The following SLC16A12 variants were observed in gnomAD, a reference collection of about 807,000 sequenced individuals.
SLC16A12 encodes the protein solute carrier family 16 member 12, also known as monocarboxylate transporter 12.
A neutral mutation model predicts 42.4 loss-of-function variants in SLC16A12; 17 were observed. The ratio of observed to expected loss-of-function variants is 0.40; its 90% CI spans 0.27 to 0.60. The LOEUF is 0.60. SLC16A12 is among the 20% of genes least tolerant of loss of function. The pLI is 0.42. For synonymous variants in SLC16A12, 224 were observed against 229.4 expected, an observed-to-expected ratio of 0.98 and a Z score of 0.21; for missense variants, 544 against 623.0, an observed-to-expected ratio of 0.87 and a Z score of 1.35.
At chr10:89,488,064 T>C (rs568263165) in intron 2 of SLC16A12, among the ~76,000 whole-genome samples, 14 of 148,486 alleles carry the variant, frequency 9.4e-5, no homozygotes, top group Non-Finnish European at 1.3e-4. Flanking sequence ...ATACATATTA[T>C]TTATCTATAT....
chr10:89,512,153 A>G (rs914376835), intron 2 of SLC16A12, among the ~76,000 whole-genome samples: 19 of 152,080 alleles, frequency 1.2e-4, no homozygotes, highest in African/African-American at 4.6e-4. Context: ...CCTGACGGAG[A>G]GCAGAAAGGG....
intron 2 of SLC16A12, among the ~76,000 whole-genome samples, chr10:89,518,964 C>A (rs915294635): frequency 6.6e-6 from 1 of 152,118 alleles, no homozygotes; most frequent in African/African-American, 2.4e-5. Context: ...ACTAAATATA[C>A]ACTATGATCA....
intron 2 of SLC16A12, among the ~76,000 whole-genome samples, chr10:89,466,298 C>T (rs1842398550): frequency 6.6e-6 from 1 of 152,074 alleles, no homozygotes; most frequent in African/African-American, 2.4e-5. Flanking sequence ...ATTGAGTGTC[C>T]AATATGCACT....
At position 89,443,826 on chromosome 10, in the gene SLC16A12, T is replaced by C; in HGVS notation, c.234A>G (p.Thr78=). Residue 78 remains threonine (T), a synonymous_variant, in exon 4 of 8, where the codon ACA becomes ACG. Transcript: ENST00000371790. ...CISIFFVEFQ[T]YFTQDYAQTA... ...TTTGTGCGTAATCCTGAGTGAAGTA[T>C]GTCTGGAACTCCACAAAAAAAATTG... The C allele has an allele frequency of 1.2e-6, 2 of 1,613,796 alleles. No individual in the cohort carries two copies. Among genetic ancestry groups the C allele is most frequent in the Non-Finnish European group, 1.7e-6 (2 of 1,179,662 alleles).
intron 3 of SLC16A12, among the ~76,000 whole-genome samples, chr10:89,448,582 A>G (rs546640781): frequency 1.8e-4 from 28 of 152,318 alleles, no homozygotes; most frequent in African/African-American, 6.7e-4. Context: ...ACTCTCAATA[A>G]ACTAGGTATT....
At chr10:89,521,536 A>G (rs1160759930) in intron 2 of SLC16A12, among the ~76,000 whole-genome samples, 1 of 152,244 alleles carries the variant, frequency 6.6e-6, no homozygotes, top group East Asian at 1.9e-4. Context: ...CTACAGAAGC[A>G]GAGGACACCA....
At chr10:89,487,013 C>G (rs1384435808) in intron 2 of SLC16A12, among the ~76,000 whole-genome samples, 4 of 152,212 alleles carry the variant, frequency 2.6e-5, no homozygotes, top group Non-Finnish European at 5.9e-5. Flanking sequence ...TGGGACGAAA[C>G]ATACACCCTT....
chr10:89,432,453 G>C lies in SLC16A12; in HGVS notation c.*611C>G, dbSNP rs1357704495. ...TGTCTACCCTTGGGCAGAGGCAAGG[G>C]CTGGCTGGAAGACTAAGAGAAAAAA... On this transcript the variant is annotated 3_prime_UTR_variant, in exon 8 of 8. Transcript: ENST00000371790. The C allele has an allele frequency of 1.3e-5, 2 of 150,834 alleles. No homozygotes were observed. Among genetic ancestry groups the C allele is most frequent in the Non-Finnish European group, 2.9e-5 (2 of 67,938 alleles). 9.3% of individuals were successfully genotyped at this position (150,834 alleles called of 1,614,324 possible).
chr10:89,459,234 G>T (rs1188869264), intron 3 of SLC16A12, among the ~76,000 whole-genome samples: 4 of 151,926 alleles, frequency 2.6e-5, no homozygotes, highest in African/African-American at 7.3e-5. Context: ...CTATGACTTC[G>T]CATCGCTGAT....
chr10:89,470,190 G>A (rs1842471100), intron 2 of SLC16A12, among the ~76,000 whole-genome samples: 1 of 152,104 alleles, frequency 6.6e-6, no homozygotes, highest in East Asian at 1.9e-4. Flanking sequence ...GTGTTATAGG[G>A]GACATTCCCA....
chr10:89,492,095 G>A (rs1396008712), intron 2 of SLC16A12, among the ~76,000 whole-genome samples: 1 of 152,170 alleles, frequency 6.6e-6, no homozygotes, highest in Non-Finnish European at 1.5e-5. Context: ...TGTCACCTTT[G>A]AGACTGACAT....
intron 2 of SLC16A12, among the ~76,000 whole-genome samples, chr10:89,529,672 CTAGTAGCTGGGATTACAG>C (rs1245522063): frequency 6.6e-6 from 1 of 152,000 alleles, no homozygotes; most frequent in Non-Finnish European, 1.5e-5. Context: ...CTCAGCCCCC[CTAGTAGCTGGGATTACAG>C]GCACGTGCCA....
intron 2 of SLC16A12, among the ~76,000 whole-genome samples, chr10:89,473,747 A>G (rs992759): frequency 0.28 from 39,266 of 140,274 alleles, 5,345 homozygotes; most frequent in African/African-American, 0.38. Flanking sequence ...TGTAACCCTT[A>G]ATGTGTCCCA....
intron 2 of SLC16A12, among the ~76,000 whole-genome samples, chr10:89,466,505 G>A (rs1054242897): frequency 6.6e-6 from 1 of 152,146 alleles, no homozygotes; most frequent in African/African-American, 2.4e-5. Context: ...TCAAATGAGA[G>A]CACCCACAAA....
chr10:89,531,012 T>G (rs535238734), intron 2 of SLC16A12, among the ~76,000 whole-genome samples: 1 of 152,316 alleles, frequency 6.6e-6, no homozygotes, highest in African/African-American at 2.4e-5. Flanking sequence ...TTTTTTAACA[T>G]TACTTACTTT....
At chr10:89,507,730 A>G (rs1843087955) in intron 2 of SLC16A12, among the ~76,000 whole-genome samples, 1 of 152,034 alleles carries the variant, frequency 6.6e-6, no homozygotes, top group African/African-American at 2.4e-5. Context: ...ACATAACAAT[A>G]TTAACCTCAA....
In SLC16A12 at chr10:89,542,663, C is replaced by A. The variant is rs116854837; in HGVS notation, c.-47+13219G>T. Among the ~76,000 whole-genome samples, 328 of 152,272 alleles carry A rather than the reference C, an allele frequency of 2.2e-3. 3 individuals carry two copies. Among genetic ancestry groups the A allele is most frequent in the Admixed American group, 0.016 (246 of 15,296 alleles). On this transcript the variant is annotated intron_variant, in intron 2 of 2. Transcript: ENST00000475682. Reference sequence around the variant, plus strand: ...TATTGTCACTGATCTCCAGACTCATCTTCCGTCATGCATGGCTCACTAGAA... The same window carrying A: ...TATTGTCACTGATCTCCAGACTCATATTCCGTCATGCATGGCTCACTAGAA...
intron 3 of SLC16A12, among the ~76,000 whole-genome samples, chr10:89,450,498 A>G (rs1842077329): frequency 6.6e-6 from 1 of 152,244 alleles, no homozygotes; most frequent in African/African-American, 2.4e-5. Context: ...TGAGCAAACT[A>G]TCGCAAGGAC....
At chr10:89,480,505 T>C (rs899874995) in intron 2 of SLC16A12, among the ~76,000 whole-genome samples, 3 of 152,196 alleles carry the variant, frequency 2.0e-5, no homozygotes, top group African/African-American at 7.2e-5. Flanking sequence ...TTCATCTTCA[T>C]TGATTTCTTT....
Sources: allele counts gnomAD v4.1 joint callset (sites outside exome capture counted in the v4.1 genomes callset), GRCh38; gene constraint gnomAD v4.1.1; transcripts MANE v1.5; gene names NCBI Gene and HGNC (gene_info 2026-07-23, HGNC 2026-07-21).